BTRC: variants seen among roughly 807,000 people sequenced by gnomAD.
BTRC encodes beta-transducin repeat containing E3 ubiquitin protein ligase.
A neutral mutation model predicts 85.5 loss-of-function variants in BTRC; 42 were observed. That is an observed-to-expected ratio of 0.49 (90% confidence interval 0.38 to 0.64). The LOEUF (loss-of-function observed/expected upper bound fraction) is 0.64, where lower values mean the gene tolerates loss of function less well. BTRC is among the 30% of genes least tolerant of loss of function. The pLI is 0.00. For missense variants in BTRC, 594 were observed against 743.5 expected (o/e 0.80, Z 2.34); for synonymous variants, 255 against 263.3 (o/e 0.97, Z 0.30).
chr10:101,456,361 G>T (rs930919295), intron 2 of BTRC, among the ~76,000 whole-genome samples: 1 of 151,646 alleles, frequency 6.6e-6, no homozygotes, highest in Non-Finnish European at 1.5e-5. Context: ...ATGATTCAAA[G>T]AAAAAGTTTA....
chr10:101,443,369 G>T (rs746088716), intron 2 of BTRC, among the ~76,000 whole-genome samples: 2 of 152,136 alleles, frequency 1.3e-5, no homozygotes, highest in Non-Finnish European at 2.9e-5. Flanking sequence ...TAAATACACT[G>T]AGGACAACTC....
intron 1 of BTRC, among the ~76,000 whole-genome samples, chr10:101,366,996 AT>A (rs1942462243): frequency 2.0e-5 from 1 of 50,346 alleles, no homozygotes; most frequent in Non-Finnish European, 3.8e-5. Context: ...ATATATATTA[AT>A]ATATATATTT....
At chr10:101,523,389 C>CA (rs1473031834) in intron 5 of BTRC, among the ~76,000 whole-genome samples, 1 of 151,834 alleles carries the variant, frequency 6.6e-6, no homozygotes, top group African/African-American at 2.4e-5. Flanking sequence ...TAAGGGCAGA[C>CA]AAGAACACTG....
At chr10:101,361,736 C>T (rs965342488) in intron 1 of BTRC, among the ~76,000 whole-genome samples, 1 of 152,120 alleles carries the variant, frequency 6.6e-6, no homozygotes, top group African/African-American at 2.4e-5. Context: ...AGCTATAAGA[C>T]CAGCTATAAC....
intron 4 of BTRC, among the ~76,000 whole-genome samples, chr10:101,516,361 AC>A (rs1202968515): frequency 6.6e-6 from 1 of 152,222 alleles, no homozygotes; most frequent in Non-Finnish European, 1.5e-5. Context: ...ATTCCATGTC[AC>A]ACAGCTGCTA....
intron 2 of BTRC, among the ~76,000 whole-genome samples, chr10:101,442,215 A>C (rs1174701398): frequency 6.6e-6 from 1 of 150,712 alleles, no homozygotes; most frequent in Non-Finnish European, 1.5e-5. Context: ...CAATGCACTA[A>C]TTGAATTACT....
At chr10:101,543,097 C>T (rs1207354738) in intron 13 of BTRC, among the ~76,000 whole-genome samples, 2 of 152,152 alleles carry the variant, frequency 1.3e-5, no homozygotes. Context: ...AGGCTGGTCT[C>T]GAACTCCTGA....
chr10:101,527,790 T>A (rs145125387), intron 6 of BTRC, among the ~76,000 whole-genome samples: 20,663 of 123,992 alleles, frequency 0.17, 1,593 homozygotes, highest in Middle Eastern at 0.28. Flanking sequence ...TCTCTCTCTC[T>A]CACATACACA....
intron 4 of BTRC, among the ~76,000 whole-genome samples, chr10:101,488,863 T>C (rs985720085): frequency 7.2e-5 from 11 of 152,124 alleles, no homozygotes; most frequent in Admixed American, 7.2e-4. Context: ...GTGTGAAATA[T>C]TTAGGTTAGG....
intron 13 of BTRC, among the ~76,000 whole-genome samples, chr10:101,544,058 C>T (rs1310071922): frequency 2.0e-5 from 3 of 151,936 alleles, no homozygotes; most frequent in African/African-American, 7.3e-5. Context: ...TACAGGCGCC[C>T]GCCACCACAC....
chr10:101,363,421 G>C (rs1230011735), intron 1 of BTRC, among the ~76,000 whole-genome samples: 1 of 152,146 alleles, frequency 6.6e-6, no homozygotes, highest in Non-Finnish European at 1.5e-5. Context: ...AAGTGCTATA[G>C]AATTTAAGGG....
chr10:101,529,254 T>A (rs2062245761), intron 6 of BTRC, among the ~76,000 whole-genome samples: 1 of 152,218 alleles, frequency 6.6e-6, no homozygotes, highest in Non-Finnish European at 1.5e-5. Flanking sequence ...CCTCTTTCTG[T>A]AACACTTTGA....
chr10:101,550,182 C>G (rs1393711312), intron 13 of BTRC, among the ~76,000 whole-genome samples: 2 of 152,196 alleles, frequency 1.3e-5, no homozygotes, highest in Non-Finnish European at 2.9e-5. Context: ...TTTAGCATGT[C>G]TTGGCCAAAG....
intron 1 of BTRC, among the ~76,000 whole-genome samples, chr10:101,393,688 A>T (rs10883635): frequency 0.36 from 54,852 of 151,420 alleles, 10,997 homozygotes; most frequent in Middle Eastern, 0.48. Context: ...GTTGATGATT[A>T]TTGTAGTATG....
rs146624668 is a variant in BTRC at position 101,480,730 on chromosome 10, G to A, written c.324+1273G>A. Among the ~76,000 whole-genome samples, 6 of 152,092 alleles carry A rather than the reference G, an allele frequency of 3.9e-5. No homozygotes were observed. The East Asian group carries it at 7.7e-4, about 20-fold the overall frequency. ...ATGTATCACACAAAATATAACCATC[G>A]AAATCATACATATAAGAAATATCAG... On this transcript the variant is annotated intron_variant, in intron 4 of 14. Transcript: ENST00000370187.
chr10:101,415,662 C>T (rs917464311), intron 1 of BTRC, among the ~76,000 whole-genome samples: 3 of 151,262 alleles, frequency 2.0e-5, no homozygotes, highest in Admixed American at 6.6e-5. Context: ...CTGCCTCAAC[C>T]TTCTGAGTAG....
rs1361838841 is a variant in BTRC at position 101,550,995 on chromosome 10, A to G, written c.*31+104A>G. 2.8e-6 allele frequency: 3 copies of G among 1,060,218 alleles called. No individual in the cohort carries two copies. The African/African-American group carries it at 4.8e-5, about 17-fold the overall frequency. 65.7% of individuals were successfully genotyped at this position (1,060,218 alleles called of 1,614,324 possible). On this transcript the variant is annotated intron_variant, in intron 14 of 14. Transcript: ENST00000370187. The stretch of plus-strand genomic sequence containing the variant: ...CTTTCTCCTGCCGTTTGGGTCACCA[A>G]CTCCTGTAAAGCCGAGGAAGCAGAC...
At chr10:101,395,032 A>G (rs1322501772) in intron 1 of BTRC, among the ~76,000 whole-genome samples, 5 of 152,156 alleles carry the variant, frequency 3.3e-5, no homozygotes, top group African/African-American at 1.2e-4. Context: ...TAGCGCCTAA[A>G]TTCACGTTAT....
intron 1 of BTRC, among the ~76,000 whole-genome samples, chr10:101,360,928 C>T (rs753158279): frequency 6.6e-6 from 1 of 152,228 alleles, no homozygotes; most frequent in African/African-American, 2.4e-5. Context: ...GCCTCAGCCT[C>T]CTGAGTAGCT....
Sources: gnomAD v4.1 joint callset for allele counts (sites outside exome capture counted in the v4.1 genomes callset) on GRCh38, gnomAD v4.1.1 for gene constraint, MANE v1.5 for transcripts, NCBI Gene and HGNC (gene_info 2026-07-23, HGNC 2026-07-21) for gene names.